NAALADL2: variants seen among roughly 807,000 people sequenced by gnomAD.
NAALADL2 encodes the protein inactive N-acetylated-alpha-linked acidic dipeptidase-like protein 2.
In NAALADL2, 76 loss-of-function variants were observed where a neutral mutation model predicts 87.2. The observed-to-expected ratio is 0.87, with a 90% confidence interval of 0.72 to 1.05. The LOEUF is 1.05. Among genes scored for constraint, NAALADL2 ranks in the 50% least tolerant of loss-of-function variants. The pLI is 0.00. For synonymous variants in NAALADL2, 354 were observed against 331.0 expected, an observed-to-expected ratio of 1.07 and a Z score of -0.75; for missense variants, 1,089 against 945.8, an observed-to-expected ratio of 1.15 and a Z score of -1.99.
chr3:175,772,840 T>C (rs1221730260), intron 13 of NAALADL2, among the ~76,000 whole-genome samples: 1 of 152,164 alleles, frequency 6.6e-6, no homozygotes, highest in Non-Finnish European at 1.5e-5. Context: ...GACATTTTAG[T>C]GTTACTTCTG....
chr3:174,880,215 C>G (rs1000463135), intron 1 of NAALADL2, among the ~76,000 whole-genome samples: 2 of 152,028 alleles, frequency 1.3e-5, no homozygotes, highest in African/African-American at 4.8e-5. Context: ...ACGTATCTAC[C>G]TGGGTATGAT....
At chr3:175,693,043 C>G (rs574475680) in intron 11 of NAALADL2, among the ~76,000 whole-genome samples, 1 of 152,190 alleles carries the variant, frequency 6.6e-6, no homozygotes, top group Admixed American at 6.5e-5. Flanking sequence ...TAAAATCAGC[C>G]AAGGGAATAG....
At chr3:175,129,507 C>G (rs938156779) in intron 2 of NAALADL2, among the ~76,000 whole-genome samples, 2 of 152,106 alleles carry the variant, frequency 1.3e-5, no homozygotes, top group African/African-American at 2.4e-5. Context: ...AATGACCATT[C>G]TATACTCTGC....
chr3:174,813,872 A>T (rs189858932), intron 3 of NAALADL2, among the ~76,000 whole-genome samples: 6 of 152,146 alleles, frequency 3.9e-5, no homozygotes, highest in Non-Finnish European at 8.8e-5. Context: ...AATATTTAAG[A>T]TCTCAAACTT....
At chr3:175,792,363 T>A (rs1172440413) in intron 13 of NAALADL2, among the ~76,000 whole-genome samples, 1 of 152,210 alleles carries the variant, frequency 6.6e-6, no homozygotes, top group African/African-American at 2.4e-5. Context: ...CATTAATACC[T>A]CAAGCTTTGT....
chr3:174,951,668 G>A (rs547179718), intron 1 of NAALADL2, among the ~76,000 whole-genome samples: 8 of 152,120 alleles, frequency 5.3e-5, no homozygotes, highest in African/African-American at 9.6e-5. Flanking sequence ...GTCGATAGAC[G>A]CCTTCAACTT....
At chr3:174,849,475 G>A (rs193068106) in intron 3 of NAALADL2, among the ~76,000 whole-genome samples, 76 of 151,936 alleles carry the variant, frequency 5.0e-4, no homozygotes, top group South Asian at 4.6e-3. Flanking sequence ...GGTGACTCAC[G>A]CCTGTAATCC....
At chr3:174,657,280 T>C (rs1433539726) in intron 2 of NAALADL2, among the ~76,000 whole-genome samples, 2 of 151,852 alleles carry the variant, frequency 1.3e-5, no homozygotes, top group Non-Finnish European at 2.9e-5. Flanking sequence ...CCTGAGTAGG[T>C]AGGATTACAG....
At chr3:175,754,013 G>T (rs1249152541) in intron 12 of NAALADL2, among the ~76,000 whole-genome samples, 4 of 152,134 alleles carry the variant, frequency 2.6e-5, no homozygotes, top group African/African-American at 9.7e-5. Flanking sequence ...ACCAGTAATT[G>T]TTGTCTCACT....
intron 2 of NAALADL2, among the ~76,000 whole-genome samples, chr3:174,625,150 C>T (rs1401289121): frequency 1.3e-5 from 2 of 149,966 alleles, no homozygotes; most frequent in Non-Finnish European, 3.0e-5. Context: ...CCTCAGCCTC[C>T]TAGGCTCAAG....
intron 9 of NAALADL2, among the ~76,000 whole-genome samples, chr3:175,531,338 C>A (rs1244950301): frequency 6.6e-6 from 1 of 152,090 alleles, no homozygotes; most frequent in African/African-American, 2.4e-5. Context: ...GAAGTAATAT[C>A]TTGACAAATC....
chr3:175,485,368 A>T (rs1727098108), intron 9 of NAALADL2, among the ~76,000 whole-genome samples: 1 of 152,094 alleles, frequency 6.6e-6, no homozygotes, highest in Non-Finnish European at 1.5e-5. Flanking sequence ...TAGGAAAGGG[A>T]GTTTATTAAG....
chr3:175,667,241 A>AAGAAAGAAAGAAG (rs1182682303), intron 11 of NAALADL2, among the ~76,000 whole-genome samples: 1 of 91,716 alleles, frequency 1.1e-5, no homozygotes, highest in Non-Finnish European at 2.2e-5. Context: ...GAAAGAAAGA[A>AAGAAAGAAAGAAG]AAAGAAAGAA....
intron 1 of NAALADL2, among the ~76,000 whole-genome samples, chr3:174,524,039 A>G (rs954842152): frequency 1.3e-4 from 19 of 151,796 alleles, no homozygotes; most frequent in Non-Finnish European, 2.6e-4. Context: ...ATGTCTTTCT[A>G]TAGTTCTTTT....
intron 3 of NAALADL2, among the ~76,000 whole-genome samples, chr3:175,245,505 T>A (rs1560223121): frequency 6.6e-6 from 1 of 152,220 alleles, no homozygotes; most frequent in Non-Finnish European, 1.5e-5. Context: ...ATTGTAAAAC[T>A]GAAGACATTT....
intron 1 of NAALADL2, among the ~76,000 whole-genome samples, chr3:175,093,232 G>C (rs548090114): frequency 1.3e-3 from 196 of 151,552 alleles, no homozygotes; most frequent in African/African-American, 4.5e-3. Context: ...CATGTTACTA[G>C]GGAATTTGAA....
intron 9 of NAALADL2, among the ~76,000 whole-genome samples, chr3:175,565,958 C>G (rs1022671295): frequency 6.6e-6 from 1 of 151,448 alleles, no homozygotes; most frequent in African/African-American, 2.4e-5. Context: ...GCCTCCCGAG[C>G]AGCTGAGATT....
At chr3:175,714,415 T>C (rs1374639193) in intron 11 of NAALADL2, among the ~76,000 whole-genome samples, 2 of 152,170 alleles carry the variant, frequency 1.3e-5, no homozygotes, top group Non-Finnish European at 2.9e-5. Flanking sequence ...TTTTTAATGA[T>C]CACCATTCCA....
intron 3 of NAALADL2, among the ~76,000 whole-genome samples, chr3:174,819,055 A>ATTT (rs1443066755): frequency 1.9e-5 from 1 of 51,802 alleles, no homozygotes; most frequent in Non-Finnish European, 4.2e-5. Flanking sequence ...TATACCATTT[A>ATTT]TTCTTTTTTT....
Sources: allele counts gnomAD v4.1 joint callset (sites outside exome capture counted in the v4.1 genomes callset), GRCh38; gene constraint gnomAD v4.1.1; transcripts MANE v1.5; gene names NCBI Gene and HGNC (gene_info 2026-07-23, HGNC 2026-07-21).